MCM3AP: variants seen among roughly 807,000 people sequenced by gnomAD.
MCM3AP encodes germinal-center associated nuclear protein.
Under a neutral mutation model 184.1 loss-of-function variants are expected in MCM3AP, and 126 were observed. The observed-to-expected ratio is 0.68, with a 90% confidence interval of 0.59 to 0.79. The LOEUF (loss-of-function observed/expected upper bound fraction) is 0.79, where lower values mean the gene tolerates loss of function less well. MCM3AP is among the 30% of genes least tolerant of loss of function. The pLI is 0.00. For synonymous variants in MCM3AP, 1,002 were observed against 979.3 expected (o/e 1.02, Z -0.43); for missense variants, 2,496 against 2,479.2 (o/e 1.01, Z -0.14).
intron 2 of MCM3AP, among the ~76,000 whole-genome samples, chr21:46,282,334 A>T (rs1373584864): frequency 6.6e-6 from 1 of 152,188 alleles, no homozygotes; most frequent in East Asian, 1.9e-4. Flanking sequence ...CTGCCAACAG[A>T]CGAATCAACA....
In MCM3AP at chr21:46,264,166, A is replaced by G; in HGVS notation, c.3286T>C (p.Cys1096Arg). 1 of 1,613,974 alleles carries G rather than the reference A, an allele frequency of 6.2e-7. No individual in the cohort carries two copies. The highest frequency in any genetic ancestry group is 8.5e-7 in the Non-Finnish European group (1 of 1,179,954). ...ELIQEALQRD[C>R]EEVGSAGAAY... is the part of the protein sequence containing the mutation. ...GCACCCGCAGAGCCAACTTCCTCAC[A>G]GTCCCTCTGCAGGGCCTCCTGGATG... is the stretch of plus-strand genomic sequence containing the variant. Residue 1096 changes from cysteine (C) to arginine (R), a missense_variant, in exon 13 of 28, where the codon TGT (cysteine) becomes CGT (arginine). This residue lies in a region of MCM3AP where 1,323 missense variants were observed against 1,273.4 expected (regional missense o/e 1.04). Coordinates refer to ENST00000291688, the MANE Select transcript of MCM3AP (RefSeq NM_003906.5).
intron 21 of MCM3AP, 93 bp from the exon 22 acceptor site, chr21:46,246,497 G>C: frequency 7.1e-7 from 1 of 1,416,128 alleles, no homozygotes; most frequent in Non-Finnish European, 1.0e-6. Context: ...CAGTCCTGCA[G>C]TGGACAGTCA....
chr21:46,285,476 A>T lies in MCM3AP; in HGVS notation c.-190T>A. On this transcript the variant is annotated 5_prime_UTR_variant, in exon 1 of 28. Coordinates refer to ENST00000291688, the MANE Select transcript of MCM3AP (RefSeq NM_003906.5). The stretch of plus-strand genomic sequence containing the variant: ...GAATTTTTGAACACTGTCATACTAA[A>T]AGGATAACTATTTCAAAGGCAGGCA... The T allele has an allele frequency of 6.9e-6, 4 of 581,512 alleles. No individual in the cohort carries two copies. The highest frequency in any genetic ancestry group is 1.2e-5 in the Non-Finnish European group (4 of 329,482). The allele number at this position is 581,512 out of a possible 1,614,324, so 36.0% of individuals were successfully genotyped here.
In MCM3AP at chr21:46,284,443, C is replaced by G; in HGVS notation, c.844G>C (p.Glu282Gln). 1 of 1,614,056 alleles carries G rather than the reference C, an allele frequency of 6.2e-7. No homozygotes were observed. Among genetic ancestry groups the G allele is most frequent in the Non-Finnish European group, 8.5e-7 (1 of 1,180,020 alleles). The change falls in exon 1 of 28, where the codon GAA (glutamate) becomes CAA (glutamine). Residue 282 changes from glutamate to glutamine, a missense_variant. Physicochemically the swap from Glu to Gln is conservative, Grantham distance 29. This residue lies in a region of MCM3AP where 800 missense variants were observed against 717.1 expected (regional missense o/e 1.12). Transcript: ENST00000291688. ...CCTTTCATTAGGCTGGGAAGTGGTT[C>G]CACCTGGGAAACAGCTTCTTCACAC... Reference protein sequence around the residue: ...QGCEEAVSQVEPLPSLMKGLK... With the variant: ...QGCEEAVSQVQPLPSLMKGLK...
At position 46,284,286 on chromosome 21, in the gene MCM3AP, C is replaced by T. The variant is rs1392831393; in HGVS notation, c.1001G>A (p.Gly334Glu). The T allele has an allele frequency of 6.2e-7, 1 of 1,614,206 alleles. No homozygotes were observed. The change falls in exon 1 of 28, where the codon GGA becomes GAA. Residue 334 changes from glycine to glutamate, a missense_variant. Around this residue, in one of 5 missense-constraint regions of MCM3AP, gnomAD observed 800 missense variants for 717.1 expected, o/e 1.12. Transcript: ENST00000291688. ...KRPVRLNRPR[G>E]GTLFGRTIQD... is the part of the protein sequence containing the mutation. ...TATCGTCCGACCAAATAAAGTACCT[C>T]CCCGGGGTCGATTCAGGCGGACAGG... is the stretch of plus-strand genomic sequence containing the variant.
At chr21:46,263,341 AAAAC>A (rs1198956790) in intron 13 of MCM3AP, among the ~76,000 whole-genome samples, 4 of 152,158 alleles carry the variant, frequency 2.6e-5, no homozygotes, top group Non-Finnish European at 5.9e-5. Context: ...AAAACAAAAC[AAAAC>A]AAACAAACAA....
intron 13 of MCM3AP, 89 bp downstream of exon 13, chr21:46,264,028 G>T: frequency 1.3e-6 from 1 of 796,442 alleles, no homozygotes. Context: ...CTCCAAAAAC[G>T]CAGGCAACTT....
chr21:46,251,266 T>C (rs1231801414), intron 20 of MCM3AP: 2 of 290,558 alleles, frequency 6.9e-6, no homozygotes, highest in Non-Finnish European at 1.3e-5. Flanking sequence ...TGTGTACATA[T>C]TACATTTAGG....
At chr21:46,243,059 G>T in intron 24 of MCM3AP, 128 bp from the exon 25 acceptor site, 1 of 846,044 alleles carries the variant, frequency 1.2e-6, no homozygotes, top group Non-Finnish European at 1.8e-6. Context: ...GGTGGCATGT[G>T]CTTAAATTCA....
In MCM3AP at chr21:46,254,839, C is replaced by A. The variant is rs1246908842; in HGVS notation, c.3938G>T (p.Arg1313Met). ...GRLGISCTRLRRLRNKTAHQM... is the reference protein window; with the variant it reads ...GRLGISCTRLMRLRNKTAHQM... ...GTGAGCTGTCTTGTTTCTGAGCCGC[C>A]TTAACCTGCAAAGGAAAGCAGAATG... Residue 1313 changes from arginine to methionine, a missense_variant, in exon 18 of 28, where the codon AGG becomes ATG. Arg to Met is a moderately conservative substitution (Grantham distance 91). This residue lies in a region of MCM3AP where 1,323 missense variants were observed against 1,273.4 expected (regional missense o/e 1.04). Coordinates refer to ENST00000291688, the MANE Select transcript of MCM3AP (RefSeq NM_003906.5). The A allele has an allele frequency of 1.2e-6, 2 of 1,613,914 alleles. No individual in the cohort carries two copies. The highest frequency in any genetic ancestry group is 1.7e-6 in the Non-Finnish European group (2 of 1,179,828).
Position 46,240,787 on chromosome 21 carries a change from G to T in MCM3AP, c.5633+24C>A, listed in dbSNP as rs1180053514. 1.9e-6 allele frequency: 3 copies of T among 1,604,962 alleles called. No homozygotes were observed. In the East Asian group the frequency reaches 6.7e-5, roughly 36 times the overall value. On this transcript the variant is annotated intron_variant, in intron 26 of 27. Coordinates refer to ENST00000291688, the MANE Select transcript of MCM3AP (RefSeq NM_003906.5). ...AGCATAAAGCAGACTAAACACACAT[G>T]AATTAGAAGGAAGTGGGCTTCACCT...
chr21:46,242,605 G>A, intron 25 of MCM3AP, 197 bp downstream of exon 25: 1 of 457,258 alleles, frequency 2.2e-6, no homozygotes, highest in Non-Finnish European at 3.8e-6. Context: ...GGTCAGGTAT[G>A]CCTGATAAAT....
intron 12 of MCM3AP, 137 bp downstream of exon 12, chr21:46,265,184 G>C (rs994745522): frequency 1.7e-5 from 12 of 710,424 alleles, no homozygotes; most frequent in Non-Finnish European, 2.8e-5. Context: ...CTGAGGCTGA[G>C]TGACTCTAGG....
At chr21:46,265,061 G>A (rs893984424) in intron 12 of MCM3AP, among the ~76,000 whole-genome samples, 6 of 152,362 alleles carry the variant, frequency 3.9e-5, no homozygotes, top group African/African-American at 9.6e-5. Context: ...CAATGATCCC[G>A]TCAGGAATAG....
At position 46,236,945 on chromosome 21, in the gene MCM3AP, C is replaced by T. The variant is rs777722454; in HGVS notation, c.5668G>A (p.Asp1890Asn). ...GTTAAATCCGTAAATGCTCCTGAGT[C>T]TTCAGACAACCATTGCTGAAGCTGA... ...EDQLQQWLSEDSGAFTDLTSL... is the reference protein window; with the variant it reads ...EDQLQQWLSENSGAFTDLTSL... Residue 1890 changes from aspartate (D) to asparagine (N), a missense_variant, in exon 27 of 28, where the codon GAC becomes AAC. Physicochemically the swap from Asp to Asn is conservative, Grantham distance 23 (BLOSUM62 1). Coordinates refer to ENST00000291688, the MANE Select transcript of MCM3AP (RefSeq NM_003906.5). 6.4e-7 allele frequency: 1 copy of T among 1,560,818 alleles called. No individual in the cohort carries two copies. Among genetic ancestry groups the T allele is most frequent in the Non-Finnish European group, 8.6e-7 (1 of 1,161,408 alleles).
At chr21:46,260,753 T>C (rs2081030610) in intron 15 of MCM3AP, 40 bp downstream of exon 15, 1 of 1,422,290 alleles carries the variant, frequency 7.0e-7, no homozygotes, top group Non-Finnish European at 9.9e-7. Flanking sequence ...GAGCCAAAGC[T>C]CACTCTCCTG....
chr21:46,248,690 T>C (rs2080817780), intron 20 of MCM3AP, among the ~76,000 whole-genome samples: 1 of 150,124 alleles, frequency 6.7e-6, no homozygotes, highest in African/African-American at 2.4e-5. Flanking sequence ...CTAATTTCCT[T>C]GGAAAGATAA....
rs753539947 is a variant in MCM3AP, at chr21:46,256,897, C to A, written c.3824G>T (p.Arg1275Leu). ...AAPCCVDVSD[R>L]LRALAPSAEC... ...TGCGCTGGGCGCCAGCGCCCTCAGC[C>A]GGTCGCTCACGTCCACGCAGCAGGG... Residue 1275 changes from arginine to leucine, a missense_variant, in exon 17 of 28, where the codon CGG (arginine) becomes CTG (leucine). Physicochemically the swap from Arg to Leu is moderately radical, Grantham distance 102. Coordinates refer to ENST00000291688, the MANE Select transcript of MCM3AP (RefSeq NM_003906.5). 3.1e-6 allele frequency: 5 copies of A among 1,606,574 alleles called. No individual in the cohort carries two copies. The highest frequency in any genetic ancestry group is 4.2e-6 in the Non-Finnish European group (5 of 1,176,782).
In MCM3AP at chr21:46,284,278, A is replaced by T; in HGVS notation, c.1009T>A (p.Leu337Ile). Reference protein sequence around the residue: ...VRLNRPRGGTLFGRTIQDVFK... With the variant: ...VRLNRPRGGTIFGRTIQDVFK... ...ACATCCTGTATCGTCCGACCAAATA[A>T]AGTACCTCCCCGGGGTCGATTCAGG... The change falls in exon 1 of 28, where the codon TTA becomes ATA. Residue 337 changes from leucine to isoleucine, a missense_variant. By Grantham distance (5) the Leu-to-Ile change is conservative. Coordinates refer to ENST00000291688, the MANE Select transcript of MCM3AP (RefSeq NM_003906.5). 1 of 1,614,086 alleles carries T rather than the reference A, an allele frequency of 6.2e-7. No homozygotes were observed. The highest frequency in any genetic ancestry group is 8.5e-7 in the Non-Finnish European group (1 of 1,180,024).
Sources: allele counts gnomAD v4.1 joint callset (sites outside exome capture counted in the v4.1 genomes callset), GRCh38; gene constraint gnomAD v4.1.1; regional missense constraint gnomAD v4.1.1; transcripts MANE v1.5; gene names NCBI Gene and HGNC (gene_info 2026-07-23, HGNC 2026-07-21).